CHD6: variants seen among roughly 807,000 people sequenced by gnomAD.
CHD6 encodes the protein ATP-dependent chromatin remodeler CHD6.
Under a neutral mutation model 276.9 loss-of-function variants are expected in CHD6, and 50 were observed. The observed-to-expected ratio is 0.18, with a 90% confidence interval of 0.14 to 0.23. The LOEUF is 0.23. Among genes scored for constraint, CHD6 ranks in the 10% least tolerant of loss-of-function variants. The probability of loss-of-function intolerance (pLI) is 1.00; values close to 1 mark genes in which losing one functional copy is unlikely to be tolerated. For missense variants in CHD6, 2,564 were observed against 3,365.8 expected, an observed-to-expected ratio of 0.76 and a Z score of 5.89; for synonymous variants, 1,173 against 1,229.3, an observed-to-expected ratio of 0.95 and a Z score of 0.96.
chr20:41,525,204 G>A (rs2044500148), intron 3 of CHD6, among the ~76,000 whole-genome samples: 1 of 152,242 alleles, frequency 6.6e-6, no homozygotes, highest in Admixed American at 6.5e-5. Flanking sequence ...GGCAGGGAAG[G>A]GCAGAGAAGT....
rs557546706 is a variant in CHD6, at chr20:41,510,376, C to T, written c.852+2470G>A. On this transcript the variant is annotated intron_variant, in intron 5 of 36. Transcript: ENST00000373233. ...CAGAGCACCAATTTTGAAAATCACTCGGTAAGCCGATCTCTCCAGTCCCCT... is the reference window on the plus strand; with the variant it reads ...CAGAGCACCAATTTTGAAAATCACTTGGTAAGCCGATCTCTCCAGTCCCCT... 2.0e-4 allele frequency among the ~76,000 whole-genome samples: 30 copies of T among 152,312 alleles called. 1 individual carries two copies. The highest frequency in any genetic ancestry group is 2.4e-5 in the African/African-American group (1 of 41,566).
intron 2 of CHD6, among the ~76,000 whole-genome samples, chr20:41,541,834 C>A (rs560343465): frequency 6.6e-6 from 1 of 152,172 alleles, no homozygotes; most frequent in Non-Finnish European, 1.5e-5. Flanking sequence ...TTAGTCTCCA[C>A]CTCTACTTCC....
At position 41,452,699 on chromosome 20, in the gene CHD6, A is replaced by T; in HGVS notation, c.3323+41T>A. 1 of 1,569,708 alleles carries T rather than the reference A, an allele frequency of 6.4e-7. No individual in the cohort carries two copies. The highest frequency in any genetic ancestry group is 8.7e-7 in the Non-Finnish European group (1 of 1,146,620). ...CAGGGACTGAAAAACAGAGGGGAAC[A>T]AACAACAATAACAACAAAACTAAGC... On this transcript the variant is annotated intron_variant, in intron 21 of 36. Transcript: ENST00000373233. This position sits in a 1 kb window ranked among gnomAD's most constrained non-coding sequence, Gnocchi z 4.2.
intron 1 of CHD6, among the ~76,000 whole-genome samples, chr20:41,603,513 G>C (rs777044808): frequency 2.0e-5 from 3 of 152,138 alleles, no homozygotes; most frequent in Non-Finnish European, 4.4e-5. Context: ...AGGAGAGCTA[G>C]CAAACCCTTT....
intron 5 of CHD6, among the ~76,000 whole-genome samples, chr20:41,503,796 G>A (rs6129854): frequency 2.0e-5 from 3 of 151,870 alleles, no homozygotes; most frequent in South Asian, 2.1e-4. Flanking sequence ...TTGAACTTTC[G>A]GCTGGGTGCA....
chr20:41,431,623 C>A (rs117283809), intron 27 of CHD6, among the ~76,000 whole-genome samples: 1 of 152,022 alleles, frequency 6.6e-6, no homozygotes, highest in Non-Finnish European at 1.5e-5. Flanking sequence ...TACAGACTGC[C>A]GCTTCTGGGA....
intron 16 of CHD6, among the ~76,000 whole-genome samples, chr20:41,475,307 A>G (rs1235649055): frequency 6.6e-6 from 1 of 152,204 alleles, no homozygotes; most frequent in Non-Finnish European, 1.5e-5. Context: ...AAATTCATAC[A>G]AGTAACATAT....
intron 1 of CHD6, among the ~76,000 whole-genome samples, chr20:41,576,206 T>C (rs2045472699): frequency 6.6e-6 from 1 of 152,174 alleles, no homozygotes; most frequent in Non-Finnish European, 1.5e-5. Flanking sequence ...TCTCTGTACA[T>C]GAAGAAAATT....
chr20:41,587,836 A>T (rs568093116), intron 1 of CHD6, among the ~76,000 whole-genome samples: 44 of 152,226 alleles, frequency 2.9e-4, no homozygotes, highest in Non-Finnish European at 5.1e-4. Context: ...AAACCAAAAA[A>T]AACCCAAAAA....
Position 41,421,953 on chromosome 20 carries a change from C to T in CHD6, c.4682G>A (p.Arg1561His), listed in dbSNP as rs372868874. The T allele has an allele frequency of 1.4e-5, 22 of 1,614,058 alleles. No individual in the cohort carries two copies. In the Admixed American group the frequency reaches 1.5e-4, roughly 11 times the overall value. Residue 1561 changes from arginine (R) to histidine (H), a missense_variant, in exon 31 of 37, where the codon CGC (arginine) becomes CAC (histidine). Arg to His is a conservative substitution (Grantham distance 29). Coordinates refer to ENST00000373233, the MANE Select transcript of CHD6 (RefSeq NM_032221.5). ...QVLKCPQLHERLQLCRPSLYL... is the reference protein window; with the variant it reads ...QVLKCPQLHEHLQLCRPSLYL... ...GAGGCTGGGCCTGCACAGCTGGAGG[C>T]GTTCATGCAGCTGAGGGCACTTGAG...
intron 3 of CHD6, among the ~76,000 whole-genome samples, chr20:41,515,721 C>G (rs576684950): frequency 2.6e-5 from 4 of 152,234 alleles, no homozygotes; most frequent in African/African-American, 9.6e-5. Context: ...GGATCCTCTA[C>G]AGTTGCTCAA....
chr20:41,535,293 T>C (rs1465718220), intron 2 of CHD6, among the ~76,000 whole-genome samples: 1 of 152,210 alleles, frequency 6.6e-6, no homozygotes. Flanking sequence ...ATGGGTACAC[T>C]AGGGCTTCTG....
chr20:41,568,253 T>C (rs2045380895), intron 1 of CHD6, among the ~76,000 whole-genome samples: 1 of 152,240 alleles, frequency 6.6e-6, no homozygotes, highest in Non-Finnish European at 1.5e-5. Flanking sequence ...GATATAACCG[T>C]ACATAATTCT....
chr20:41,416,458 A>G (rs2046999430), intron 33 of CHD6, 130 bp downstream of exon 33: 2 of 762,982 alleles, frequency 2.6e-6, no homozygotes, highest in African/African-American at 1.8e-5. Flanking sequence ...TCCCCAATCA[A>G]CACTAATGGC....
intron 29 of CHD6, 117 bp downstream of exon 29, chr20:41,425,061 A>G: frequency 1.3e-6 from 1 of 751,780 alleles, no homozygotes; most frequent in East Asian, 2.7e-5. Context: ...AATTCTGGAG[A>G]CAACCTAACT....
intron 25 of CHD6, among the ~76,000 whole-genome samples, 164 bp downstream of exon 25, chr20:41,445,501 G>A (rs1316444873): frequency 6.6e-6 from 1 of 152,190 alleles, no homozygotes; most frequent in Non-Finnish European, 1.5e-5. Context: ...CATTCATCTG[G>A]TGGAAATTCC....
At chr20:41,576,719 G>C (rs2045478196) in intron 1 of CHD6, among the ~76,000 whole-genome samples, 1 of 152,112 alleles carries the variant, frequency 6.6e-6, no homozygotes, top group African/African-American at 2.4e-5. Context: ...AAACACACAA[G>C]ATGAGTACAC....
chr20:41,423,976 T>A (rs921949313), intron 29 of CHD6, among the ~76,000 whole-genome samples: 2 of 152,254 alleles, frequency 1.3e-5, no homozygotes, highest in Admixed American at 6.5e-5. Context: ...ATACACTTGC[T>A]ATCTCTTGAT....
chr20:41,580,931 A>G (rs1568715149), intron 1 of CHD6, among the ~76,000 whole-genome samples: 2 of 152,180 alleles, frequency 1.3e-5, no homozygotes, highest in African/African-American at 4.8e-5. Flanking sequence ...CATTATTGCT[A>G]GCAAAGTTGA....
Sources: allele counts gnomAD v4.1 joint callset (sites outside exome capture counted in the v4.1 genomes callset), GRCh38; gene constraint gnomAD v4.1.1; non-coding constraint Gnocchi (gnomAD v3.1); transcripts MANE v1.5; gene names NCBI Gene and HGNC (gene_info 2026-07-23, HGNC 2026-07-21).